Variants in ARIH2 observed in about 807,000 individuals in gnomAD.
ARIH2 encodes ariadne RBR E3 ubiquitin protein ligase 2.
ARIH2 carries 12 observed loss-of-function variants against 79.8 expected under a neutral mutation model. The observed-to-expected ratio is 0.15, with a 90% CI of 0.10 to 0.24. ARIH2 has a LOEUF of 0.24. Ranked by LOEUF, ARIH2 falls within the 10% of genes least tolerant of loss-of-function variation. The probability of loss-of-function intolerance (pLI) is 1.00; values close to 1 mark genes in which losing one functional copy is unlikely to be tolerated. For missense variants in ARIH2, 301 were observed against 618.3 expected (o/e 0.49, Z 5.44); for synonymous variants, 224 against 213.9 (o/e 1.05, Z -0.41).
In ARIH2 at chr3:48,982,991, C is replaced by CT. The variant is rs1422409466; in HGVS notation, c.1410+13dup. The CT allele has an allele frequency of 6.2e-7, 1 of 1,612,988 alleles. No homozygotes were observed. The highest frequency in any genetic ancestry group is 1.1e-5 in the South Asian group (1 of 91,042). ...GCTATGACAGAGGGGTAAGTGCCTA[C>CT]TGTCCTCTTGGATTCTATATTGCAG... On this transcript the variant is annotated intron_variant, in intron 15 of 15. Coordinates refer to ENST00000356401, the MANE Select transcript of ARIH2 (RefSeq NM_006321.4).
intron 3 of ARIH2, among the ~76,000 whole-genome samples, chr3:48,960,513 C>T (rs1163339711): frequency 6.6e-6 from 1 of 151,338 alleles, no homozygotes; most frequent in Non-Finnish European, 1.5e-5. Context: ...CCTGTAATCC[C>T]AGCACTTTGG....
intron 2 of ARIH2, among the ~76,000 whole-genome samples, chr3:48,925,760 C>G (rs2085495663): frequency 6.7e-6 from 1 of 148,780 alleles, no homozygotes; most frequent in Non-Finnish European, 1.5e-5. Context: ...CACTCTGTTG[C>G]CAGGCTGCAG....
chr3:48,981,814 G>A, intron 14 of ARIH2, 86 bp downstream of exon 14: 1 of 1,142,302 alleles, frequency 8.8e-7, no homozygotes, highest in South Asian at 1.3e-5. Context: ...GTGAGGACCA[G>A]ACCTTGGTCA....
rs116115819 is a variant in ARIH2 at position 48,964,844 on chromosome 3, T to C, written c.324-75T>C. On this transcript the variant is annotated intron_variant, in intron 4 of 15. Transcript: ENST00000356401. The stretch of plus-strand genomic sequence containing the variant: ...GACAAAGATGCTCTAAACATCTTTC[T>C]CTGTCCTGTTATTGTTCAGGGGTAA... 1,718 of 1,155,998 alleles carry C rather than the reference T, an allele frequency of 1.5e-3. 4 individuals are homozygous for C. The highest frequency in any genetic ancestry group is 1.9e-3 in the Non-Finnish European group (1,494 of 771,986). 71.6% of individuals were successfully genotyped at this position (1,155,998 alleles called of 1,614,324 possible).
chr3:48,938,913 CAAAAAAAAAAAA>C (rs1158929356), intron 3 of ARIH2, among the ~76,000 whole-genome samples: 6 of 54,392 alleles, frequency 1.1e-4, no homozygotes, highest in Admixed American at 2.4e-4. Context: ...GTCTTTAGAC[CAAAAAAAAAAAA>C]AAAAAAAAAA....
chr3:48,934,621 T>C (rs1196436688), intron 3 of ARIH2: 26 of 985,374 alleles, frequency 2.6e-5, no homozygotes, highest in Non-Finnish European at 3.0e-5. Context: ...TGGCCGTTAA[T>C]AGGTTTGTTA....
intron 15 of ARIH2, 47 bp downstream of exon 15, chr3:48,983,026 T>A: frequency 6.4e-7 from 1 of 1,571,410 alleles, no homozygotes. Context: ...GGTAGAGGAC[T>A]GGCATGGTAA....
chr3:48,943,332 C>G (rs1342677392), intron 3 of ARIH2: 1 of 152,236 alleles, frequency 6.6e-6, no homozygotes, highest in Non-Finnish European at 1.5e-5. Context: ...CCTCGAGAGA[C>G]TGCTAAGCCC....
At chr3:48,920,437 G>C (rs1330330603) in intron 1 of ARIH2, among the ~76,000 whole-genome samples, 1 of 104,542 alleles carries the variant, frequency 9.6e-6, no homozygotes, top group African/African-American at 3.3e-5. Flanking sequence ...TTTTGGAGGA[G>C]CCTGGAGTTT....
intron 3 of ARIH2, among the ~76,000 whole-genome samples, chr3:48,933,840 C>T (rs995796653): frequency 4.6e-5 from 7 of 152,060 alleles, no homozygotes; most frequent in Admixed American, 2.0e-4. Flanking sequence ...TGTGAGCCAC[C>T]GCGCCTGTCC....
At chr3:48,947,692 G>GT (rs1559772075) in intron 3 of ARIH2, among the ~76,000 whole-genome samples, 1 of 152,130 alleles carries the variant, frequency 6.6e-6, no homozygotes, top group Non-Finnish European at 1.5e-5. Flanking sequence ...ATATTGTGAC[G>GT]TATGATTATG....
At chr3:48,977,718 A>G (rs1040498147) in intron 11 of ARIH2, among the ~76,000 whole-genome samples, 2 of 152,116 alleles carry the variant, frequency 1.3e-5, no homozygotes, top group African/African-American at 2.4e-5. Flanking sequence ...TGGCCTCCCA[A>G]AGTGCTTGGA....
chr3:48,941,653 C>T (rs1576266849), intron 3 of ARIH2, among the ~76,000 whole-genome samples: 2 of 146,140 alleles, frequency 1.4e-5, no homozygotes, highest in African/African-American at 5.1e-5. Context: ...AGTGCAGTGG[C>T]GCAATCTCGG....
chr3:48,967,371 G>A (rs555012763), intron 6 of ARIH2, 96 bp downstream of exon 6: 1 of 1,365,702 alleles, frequency 7.3e-7, no homozygotes, highest in Admixed American at 2.3e-5. Context: ...ATTTTCTTCT[G>A]AGCCTGATTG....
chr3:48,937,773 C>T (rs1029969700), intron 3 of ARIH2, among the ~76,000 whole-genome samples: 1 of 152,106 alleles, frequency 6.6e-6, no homozygotes, highest in Admixed American at 6.6e-5. Flanking sequence ...CCTGGCCAGG[C>T]GCGGTGGCTC....
At chr3:48,968,805 A>G in intron 7 of ARIH2, 150 bp downstream of exon 7, 1 of 1,010,596 alleles carries the variant, frequency 9.9e-7, no homozygotes, top group Non-Finnish European at 1.4e-6. Flanking sequence ...TTTGAAAACC[A>G]CTGGAGTGAT....
At position 48,946,123 on chromosome 3, in the gene ARIH2, TA is replaced by T. The variant is rs546185594; in HGVS notation, c.256-15486del. 2.6e-5 allele frequency among the ~76,000 whole-genome samples: 4 copies of T among 152,270 alleles called. No homozygotes were observed. The South Asian group carries it at 8.3e-4, about 32-fold the overall frequency. ...TGCTAACCACGTCAGTAACAGCGAC[TA>T]AAGCATTCATATTCACTTCATTACA... On this transcript the variant is annotated intron_variant, in intron 3 of 15. Coordinates refer to ENST00000356401, the MANE Select transcript of ARIH2 (RefSeq NM_006321.4).
At chr3:48,946,725 C>T (rs1005151579) in intron 3 of ARIH2, among the ~76,000 whole-genome samples, 2 of 151,908 alleles carry the variant, frequency 1.3e-5, no homozygotes, top group African/African-American at 2.4e-5. Flanking sequence ...AAAGAAAGCT[C>T]CCCAGTAGCG....
At position 48,985,503 on chromosome 3, in the gene ARIH2, G is replaced by A. The variant is rs1223287237; in HGVS notation, c.*2233G>A. On this transcript the variant is annotated 3_prime_UTR_variant, in exon 16 of 16. Transcript: ENST00000356401. ...AATGTCATCTGCTCAAAGTTGAGTG[G>A]TTTATTCACAATAAACTGTAAGTTT... The A allele has an allele frequency of 6.6e-6, 1 of 152,212 alleles. No individual in the cohort carries two copies. The highest frequency in any genetic ancestry group is 1.5e-5 in the Non-Finnish European group (1 of 68,038). The allele number at this position is 152,212 out of a possible 1,614,324, so 9.4% of individuals were successfully genotyped here.
Sources: gnomAD v4.1 joint callset for allele counts (sites outside exome capture counted in the v4.1 genomes callset) on GRCh38, gnomAD v4.1.1 for gene constraint, MANE v1.5 for transcripts, NCBI Gene and HGNC (gene_info 2026-07-23, HGNC 2026-07-21) for gene names.